The following TRPM3 variants were observed in gnomAD, a reference collection of about 807,000 sequenced individuals.
TRPM3 encodes the protein transient receptor potential cation channel subfamily M member 3, also known as long transient receptor potential channel 3.
A neutral mutation model predicts 181.2 loss-of-function variants in TRPM3; 77 were observed. The ratio of observed to expected loss-of-function variants is 0.42; its 90% confidence interval spans 0.35 to 0.51. The LOEUF is 0.51. Ranked by LOEUF, TRPM3 falls within the 20% of genes least tolerant of loss-of-function variation. The pLI is 0.01. For synonymous variants in TRPM3, 745 were observed against 796.4 expected (o/e 0.94, Z 1.09); for missense variants, 1,759 against 2,196.7 (o/e 0.80, Z 3.98).
chr9:71,096,382 G>A (rs898245454), intron 1 of TRPM3, among the ~76,000 whole-genome samples: 13 of 150,762 alleles, frequency 8.6e-5, no homozygotes, highest in Admixed American at 6.7e-4. Flanking sequence ...ATTTTTAATT[G>A]AAAGTCATTA....
At chr9:70,693,669 T>A (rs1182916774) in intron 8 of TRPM3, among the ~76,000 whole-genome samples, 1 of 152,138 alleles carries the variant, frequency 6.6e-6, no homozygotes, top group Non-Finnish European at 1.5e-5. Flanking sequence ...CTTGCCTCCC[T>A]ACTCAAACTA....
At chr9:70,798,588 C>CA (rs2131168752) in intron 6 of TRPM3, among the ~76,000 whole-genome samples, 1 of 152,324 alleles carries the variant, frequency 6.6e-6, no homozygotes, top group South Asian at 2.1e-4. Flanking sequence ...ACAGACTCCC[C>CA]AGCCCTCTCA....
chr9:70,592,003 C>T (rs1053088286), intron 21 of TRPM3, among the ~76,000 whole-genome samples: 11 of 152,190 alleles, frequency 7.2e-5, no homozygotes, highest in African/African-American at 2.4e-4. Context: ...CCAGGCTGCT[C>T]TCTAATATAA....
intron 3 of TRPM3, 110 bp from the exon 4 acceptor site, chr9:70,846,701 T>G: frequency 1.2e-6 from 1 of 831,102 alleles, no homozygotes; most frequent in Non-Finnish European, 1.9e-6. Context: ...ACGTCTCATA[T>G]AAAATCAGAT....
At chr9:70,954,970 T>C (rs2097050990) in intron 1 of TRPM3, among the ~76,000 whole-genome samples, 1 of 152,024 alleles carries the variant, frequency 6.6e-6, no homozygotes, top group South Asian at 2.1e-4. Context: ...TGCCAGGGGC[T>C]TTCTAGGTGA....
chr9:71,012,880 CTT>C (rs998661565), intron 1 of TRPM3, among the ~76,000 whole-genome samples: 4 of 151,948 alleles, frequency 2.6e-5, no homozygotes, highest in Non-Finnish European at 5.9e-5. Context: ...TACATTTGCT[CTT>C]GTTTGATCTC....
At chr9:70,949,356 C>T (rs1564825895) in intron 1 of TRPM3, among the ~76,000 whole-genome samples, 1 of 152,168 alleles carries the variant, frequency 6.6e-6, no homozygotes. Flanking sequence ...CATGCCTGGT[C>T]AGTGGCACAG....
intron 1 of TRPM3, among the ~76,000 whole-genome samples, chr9:70,891,083 A>G (rs144196901): frequency 6.6e-6 from 1 of 152,320 alleles, no homozygotes; most frequent in East Asian, 1.9e-4. Flanking sequence ...TGACGAGTTA[A>G]TGGGTGCAGC....
At chr9:70,822,759 T>TTG (rs113090222) in intron 6 of TRPM3, among the ~76,000 whole-genome samples, 7,936 of 147,120 alleles carry the variant, frequency 0.054, 311 homozygotes, top group East Asian at 0.19. Context: ...AAGATTTGTC[T>TTG]TGTGTGTGTG....
intron 1 of TRPM3, among the ~76,000 whole-genome samples, chr9:71,377,905 A>G (rs2092704396): frequency 6.6e-6 from 1 of 152,052 alleles, no homozygotes; most frequent in Non-Finnish European, 1.5e-5. Flanking sequence ...TTATGTGGTT[A>G]TATTTCATTT....
At chr9:70,986,311 C>T (rs1461948273) in intron 1 of TRPM3, among the ~76,000 whole-genome samples, 1 of 152,150 alleles carries the variant, frequency 6.6e-6, no homozygotes, top group Non-Finnish European at 1.5e-5. Context: ...CTGCACTGAG[C>T]TATGGTAGTG....
intron 1 of TRPM3, among the ~76,000 whole-genome samples, chr9:71,326,422 G>A (rs2089685753): frequency 6.6e-6 from 1 of 152,150 alleles, no homozygotes; most frequent in South Asian, 2.1e-4. Context: ...ATGCATGTAT[G>A]TTTGTATGTA....
intron 3 of TRPM3, among the ~76,000 whole-genome samples, chr9:70,856,136 T>C (rs550615199): frequency 6.6e-6 from 1 of 152,318 alleles, no homozygotes; most frequent in Non-Finnish European, 1.5e-5. Flanking sequence ...CCAGAATTAT[T>C]TAGCATAACA....
intron 8 of TRPM3, among the ~76,000 whole-genome samples, chr9:70,687,025 G>T (rs1216839086): frequency 3.3e-5 from 5 of 151,616 alleles, no homozygotes; most frequent in African/African-American, 7.3e-5. Flanking sequence ...TTCACCCCGG[G>T]CTCAAGTGAT....
intron 14 of TRPM3, among the ~76,000 whole-genome samples, chr9:70,621,842 C>G (rs2063684890): frequency 6.6e-6 from 1 of 152,148 alleles, no homozygotes. Context: ...ACTAGCCAGG[C>G]ATAATGAGAT....
chr9:70,933,338 T>G (rs2096793682), intron 1 of TRPM3, among the ~76,000 whole-genome samples: 1 of 152,032 alleles, frequency 6.6e-6, no homozygotes, highest in Non-Finnish European at 1.5e-5. Context: ...GAGTAAAGGG[T>G]AAGAGGAGAA....
intron 1 of TRPM3, among the ~76,000 whole-genome samples, chr9:71,079,144 C>CA (rs1803313524): frequency 1.3e-5 from 2 of 152,142 alleles, no homozygotes; most frequent in South Asian, 4.1e-4. Context: ...TCTGTTTGCA[C>CA]AATCCAAACA....
At chr9:70,835,993 T>C (rs547799269) in intron 5 of TRPM3, among the ~76,000 whole-genome samples, 7 of 152,310 alleles carry the variant, frequency 4.6e-5, no homozygotes, top group South Asian at 2.1e-4. Context: ...AGTTTATCTA[T>C]GTAAAAGTGC....
At chr9:71,076,048 C>T (rs558591477) in intron 1 of TRPM3, among the ~76,000 whole-genome samples, 4 of 152,124 alleles carry the variant, frequency 2.6e-5, no homozygotes, top group South Asian at 2.1e-4. Flanking sequence ...ACCAACTGTA[C>T]GTTTACGTAA....
Sources: allele counts gnomAD v4.1 joint callset (sites outside exome capture counted in the v4.1 genomes callset), GRCh38; gene constraint gnomAD v4.1.1; transcripts MANE v1.5; gene names NCBI Gene and HGNC (gene_info 2026-07-23, HGNC 2026-07-21).